The following ADCY2 variants were observed in gnomAD, a reference collection of about 807,000 sequenced individuals.
ADCY2 encodes the protein adenylate cyclase 2, also known as adenylate cyclase type 2.
ADCY2 carries 31 observed loss-of-function variants against 125.2 expected under a neutral mutation model. The ratio of observed to expected loss-of-function variants is 0.25; its 90% CI spans 0.19 to 0.33. The LOEUF (loss-of-function observed/expected upper bound fraction) is 0.33, where lower values mean the gene tolerates loss of function less well. ADCY2 is among the 10% of genes least tolerant of loss of function. ADCY2 has a pLI of 1.00. For missense variants in ADCY2, 904 were observed against 1,418.2 expected, an observed-to-expected ratio of 0.64 and a Z score of 5.82; for synonymous variants, 512 against 548.4, an observed-to-expected ratio of 0.93 and a Z score of 0.93.
chr5:7,422,227 A>G (rs755143792), intron 2 of ADCY2, among the ~76,000 whole-genome samples: 1 of 151,472 alleles, frequency 6.6e-6, no homozygotes, highest in Admixed American at 6.6e-5. Flanking sequence ...TTTAATTGAG[A>G]TGGGGGTCTT....
intron 4 of ADCY2, among the ~76,000 whole-genome samples, chr5:7,669,368 A>G (rs1739858422): frequency 6.6e-6 from 1 of 152,182 alleles, no homozygotes; most frequent in South Asian, 2.1e-4. Flanking sequence ...CTGAGTTTGT[A>G]CACAAAGCTC....
chr5:7,516,064 G>C (rs1180878131), intron 2 of ADCY2, among the ~76,000 whole-genome samples: 2 of 152,114 alleles, frequency 1.3e-5, no homozygotes, highest in African/African-American at 2.4e-5. Flanking sequence ...ATTAGAGAAA[G>C]GATGGTGTTG....
intron 3 of ADCY2, among the ~76,000 whole-genome samples, chr5:7,521,638 A>C (rs1167703500): frequency 6.6e-6 from 1 of 152,258 alleles, no homozygotes; most frequent in Non-Finnish European, 1.5e-5. Context: ...TGCAGTTGTG[A>C]CAACACTGTG....
At chr5:7,762,233 T>C (rs1213278352) in intron 16 of ADCY2, among the ~76,000 whole-genome samples, 2 of 152,344 alleles carry the variant, frequency 1.3e-5, no homozygotes, top group East Asian at 1.9e-4. Flanking sequence ...CTTGTACTTA[T>C]GTCAAAGAAA....
chr5:7,826,699 C>T lies in ADCY2; in HGVS notation c.3124-20C>T, dbSNP rs326172. ...AATGTATGTACTAAGCCCGTTTTCC[C>T]GTGTTCCTGTGCCTTCTAGGTTACC... is the stretch of plus-strand genomic sequence containing the variant. On this transcript the variant is annotated intron_variant, in intron 24 of 24. Coordinates refer to ENST00000338316, the MANE Select transcript of ADCY2 (RefSeq NM_020546.3). 8.7e-3 allele frequency: 14,099 copies of T among 1,613,706 alleles called. 447 individuals are homozygous for T. In the African/African-American group the frequency reaches 0.1, roughly 12 times the overall value.
intron 2 of ADCY2, among the ~76,000 whole-genome samples, chr5:7,502,369 A>G (rs978219903): frequency 1.3e-5 from 2 of 151,978 alleles, no homozygotes; most frequent in Non-Finnish European, 1.5e-5. Context: ...GCCAGTGATG[A>G]CCAAACCCCT....
chr5:7,501,638 T>TCCCCCCCCCCCCCCCCCCCC (rs1491185696), intron 2 of ADCY2, among the ~76,000 whole-genome samples: 1 of 27,934 alleles, frequency 3.6e-5, no homozygotes, highest in Non-Finnish European at 6.6e-5. Context: ...AAGAATGAGA[T>TCCCCCCCCCCCCCCCCCCCC]TCCCCCCTCC....
intron 14 of ADCY2, among the ~76,000 whole-genome samples, chr5:7,732,959 T>G (rs1742149049): frequency 6.6e-6 from 1 of 152,232 alleles, no homozygotes; most frequent in Admixed American, 6.5e-5. Flanking sequence ...CTGTCTGCCC[T>G]GTAGTATAAC....
chr5:7,455,790 CAT>C (rs1012209336), intron 2 of ADCY2, among the ~76,000 whole-genome samples: 8 of 145,516 alleles, frequency 5.5e-5, no homozygotes, highest in African/African-American at 1.5e-4. Flanking sequence ...TTATATAACA[CAT>C]ATATTCTTAT....
chr5:7,551,725 T>C (rs1413023178), intron 3 of ADCY2, among the ~76,000 whole-genome samples: 1 of 152,164 alleles, frequency 6.6e-6, no homozygotes, highest in African/African-American at 2.4e-5. Context: ...TGGCAGATTG[T>C]ATTTTTGTAG....
chr5:7,690,595 T>TCAGTGA, intron 4 of ADCY2, 96 bp from the exon 5 acceptor site: 1 of 1,141,884 alleles, frequency 8.8e-7, no homozygotes, highest in Non-Finnish European at 1.1e-6. Context: ...ATTCCCAAAC[T>TCAGTGA]GGCCTTCCTA....
intron 23 of ADCY2, among the ~76,000 whole-genome samples, chr5:7,818,284 A>C (rs1342366451): frequency 1.3e-5 from 2 of 152,086 alleles, no homozygotes; most frequent in Non-Finnish European, 2.9e-5. Flanking sequence ...TCTCTTTCAC[A>C]AATGAGATGT....
At chr5:7,804,037 G>A (rs1195964924) in intron 21 of ADCY2, among the ~76,000 whole-genome samples, 1 of 30,774 alleles carries the variant, frequency 3.2e-5, no homozygotes, top group Non-Finnish European at 7.8e-5. Context: ...CATGGAGGGG[G>A]GAAAGAGAGA....
intron 4 of ADCY2, among the ~76,000 whole-genome samples, chr5:7,655,463 C>G (rs1739287208): frequency 6.6e-6 from 1 of 152,214 alleles, no homozygotes; most frequent in African/African-American, 2.4e-5. Context: ...AAAATCCCAG[C>G]TCACGAGAAA....
Position 7,772,957 on chromosome 5 carries a change from G to A in ADCY2, c.2240G>A (p.Gly747Glu). Residue 747 changes from glycine (G) to glutamate (E), a missense_variant, in exon 18 of 25, where the codon GGA becomes GAA. Gly to Glu is a moderately conservative substitution (Grantham distance 98, BLOSUM62 -2). Coordinates refer to ENST00000338316, the MANE Select transcript of ADCY2 (RefSeq NM_020546.3). Reference protein sequence around the residue: ...LPYFIYSCILGLISCSVFLRV... With the variant: ...LPYFIYSCILELISCSVFLRV... ...TACTTTATCTACAGCTGCATTCTGG[G>A]ACTGATATCCTGTTCCGTGTTCCTG... 6.2e-7 allele frequency: 1 copy of A among 1,614,086 alleles called. No homozygotes were observed. Among genetic ancestry groups the A allele is most frequent in the Non-Finnish European group, 8.5e-7 (1 of 1,180,002 alleles).
At chr5:7,653,468 C>T (rs547599132) in intron 4 of ADCY2, among the ~76,000 whole-genome samples, 50 of 151,982 alleles carry the variant, frequency 3.3e-4, no homozygotes, top group Admixed American at 5.2e-4. Context: ...ATTAGCCAGG[C>T]GTGGTGGCGG....
intron 3 of ADCY2, among the ~76,000 whole-genome samples, chr5:7,549,810 T>C (rs1554018877): frequency 6.6e-6 from 1 of 152,206 alleles, no homozygotes; most frequent in Non-Finnish European, 1.5e-5. Context: ...TGGTGGGATG[T>C]AGCCCTAGGT....
At chr5:7,543,181 TG>T (rs1322920247) in intron 3 of ADCY2, among the ~76,000 whole-genome samples, 1 of 152,218 alleles carries the variant, frequency 6.6e-6, no homozygotes, top group Non-Finnish European at 1.5e-5. Flanking sequence ...AACACGTATG[TG>T]GAGTACAATC....
At chr5:7,825,879 T>C (rs758072971) in intron 24 of ADCY2, among the ~76,000 whole-genome samples, 4 of 152,174 alleles carry the variant, frequency 2.6e-5, no homozygotes, top group Non-Finnish European at 5.9e-5. Flanking sequence ...GCATCTCCGC[T>C]GAGGAGGAAG....
Sources: allele counts gnomAD v4.1 joint callset (sites outside exome capture counted in the v4.1 genomes callset), GRCh38; gene constraint gnomAD v4.1.1; transcripts MANE v1.5; gene names NCBI Gene and HGNC (gene_info 2026-07-23, HGNC 2026-07-21).